FAM110B: variants seen among roughly 807,000 people sequenced by gnomAD.
The protein encoded by FAM110B is family with sequence similarity 110 member B.
In FAM110B, 6 loss-of-function variants were observed where a neutral mutation model predicts 20.4. That is an observed-to-expected ratio of 0.29 (90% CI 0.16 to 0.58). The LOEUF (loss-of-function observed/expected upper bound fraction) is 0.58, where lower values mean the gene tolerates loss of function less well. Ranked by LOEUF, FAM110B falls within the 20% of genes least tolerant of loss-of-function variation. The probability of loss-of-function intolerance (pLI) is 0.90; values close to 1 mark genes in which losing one functional copy is unlikely to be tolerated. For missense variants in FAM110B, 434 were observed against 498.2 expected, an observed-to-expected ratio of 0.87 and a Z score of 1.23; for synonymous variants, 226 against 214.1, an observed-to-expected ratio of 1.06 and a Z score of -0.49.
At chr8:58,002,259 C>A (rs984170791) in intron 1 of FAM110B, among the ~76,000 whole-genome samples, 1 of 152,150 alleles carries the variant, frequency 6.6e-6, no homozygotes, top group Non-Finnish European at 1.5e-5. Context: ...ATCAAGTAGA[C>A]ACATAAAATT....
intron 1 of FAM110B, among the ~76,000 whole-genome samples, chr8:58,013,103 C>G (rs1398040115): frequency 6.6e-6 from 1 of 152,174 alleles, no homozygotes; most frequent in Non-Finnish European, 1.5e-5. Flanking sequence ...TGGGTTTTCT[C>G]TAGGATCTCC....
chr8:58,002,815 C>G (rs1804326058), intron 1 of FAM110B, among the ~76,000 whole-genome samples: 1 of 152,200 alleles, frequency 6.6e-6, no homozygotes, highest in Non-Finnish European at 1.5e-5. Context: ...GCAAGTCATA[C>G]TCTTTCTGCT....
intron 2 of FAM110B, among the ~76,000 whole-genome samples, chr8:58,064,496 A>G (rs1585855039): frequency 6.6e-6 from 1 of 152,182 alleles, no homozygotes; most frequent in Non-Finnish European, 1.5e-5. Context: ...AATTCTTAAC[A>G]GTATAACAGT....
intron 1 of FAM110B, among the ~76,000 whole-genome samples, chr8:57,998,557 G>A (rs535422431): frequency 8.2e-4 from 124 of 151,934 alleles, no homozygotes; most frequent in African/African-American, 2.8e-3. Context: ...TGATTTTTTT[G>A]TACTGAAAAC....
At chr8:58,040,877 AGTGATAAAT>A (rs1376326279) in intron 2 of FAM110B, among the ~76,000 whole-genome samples, 1 of 148,674 alleles carries the variant, frequency 6.7e-6, no homozygotes, top group Non-Finnish European at 1.5e-5. Context: ...AATAAATGGT[AGTGATAAAT>A]GTGATAAATG....
chr8:58,142,492 T>G (rs10108168), intron 3 of FAM110B, among the ~76,000 whole-genome samples: 2,434 of 152,200 alleles, frequency 0.016, 57 homozygotes, highest in African/African-American at 0.055. Context: ...TGGCTCTATG[T>G]GCCACCTGTT....
chr8:58,148,342 G>A lies in FAM110B; in HGVS notation c.*999G>A, dbSNP rs1174894054. 2 of 166,964 alleles carry A rather than the reference G, an allele frequency of 1.2e-5. No homozygotes were observed. The highest frequency in any genetic ancestry group is 2.9e-5 in the Non-Finnish European group (2 of 68,094). 10.3% of individuals were successfully genotyped at this position (166,964 alleles called of 1,614,324 possible). On this transcript the variant is annotated 3_prime_UTR_variant, in exon 4 of 4. Coordinates refer to ENST00000519262, the MANE Select transcript of FAM110B (RefSeq NM_001377989.1). Reference sequence around the variant, plus strand: ...TATCAGTAGAGCCTTCCATTCAAAAGTGAACACACTTGGTAGCTGAACCAT... The same window carrying A: ...TATCAGTAGAGCCTTCCATTCAAAAATGAACACACTTGGTAGCTGAACCAT...
At chr8:58,143,892 G>A (rs533398824) in intron 3 of FAM110B, among the ~76,000 whole-genome samples, 11 of 152,344 alleles carry the variant, frequency 7.2e-5, no homozygotes, top group East Asian at 1.9e-4. Flanking sequence ...TTCAGAGAGC[G>A]TTGGCCTAAG....
intron 2 of FAM110B, among the ~76,000 whole-genome samples, chr8:58,041,559 C>T (rs1198502500): frequency 6.6e-6 from 1 of 152,170 alleles, no homozygotes; most frequent in Non-Finnish European, 1.5e-5. Flanking sequence ...AGCTACTGCC[C>T]ATGTGGAGTG....
At chr8:58,133,426 G>C (rs1485514615) in intron 3 of FAM110B, among the ~76,000 whole-genome samples, 2 of 152,182 alleles carry the variant, frequency 1.3e-5, no homozygotes, top group African/African-American at 2.4e-5. Flanking sequence ...GCAGGAGCCA[G>C]GCAGCTGCCC....
At chr8:58,081,043 GC>G (rs1468055310) in intron 3 of FAM110B, among the ~76,000 whole-genome samples, 1 of 152,138 alleles carries the variant, frequency 6.6e-6, no homozygotes, top group Non-Finnish European at 1.5e-5. Flanking sequence ...TACTATGCCT[GC>G]CTGTTCAGGT....
chr8:58,137,685 G>T (rs1001642852), intron 3 of FAM110B, among the ~76,000 whole-genome samples: 3 of 152,182 alleles, frequency 2.0e-5, no homozygotes, highest in Admixed American at 6.5e-5. Context: ...GGTTATCAAT[G>T]TTCCATAAAT....
At chr8:58,063,648 AT>A (rs1484724106) in intron 2 of FAM110B, among the ~76,000 whole-genome samples, 1 of 152,202 alleles carries the variant, frequency 6.6e-6, no homozygotes, top group Non-Finnish European at 1.5e-5. Context: ...ATTTGGGAGC[AT>A]TTTGGAACCT....
chr8:58,047,914 G>T lies in FAM110B; in HGVS notation c.-414+16211G>T, dbSNP rs866652161. Among the ~76,000 whole-genome samples the T allele has an allele frequency of 9.2e-5, 14 of 152,178 alleles. 1 individual carries two copies. The Middle Eastern group carries it at 0.017, about 185-fold the overall frequency. The stretch of plus-strand genomic sequence containing the variant: ...AAAATTTTTTTTAATGTCAAAGTAG[G>T]ATTTAATTTAAACTTTAGCGTCTTC... On this transcript the variant is annotated intron_variant, in intron 2 of 3. Coordinates refer to ENST00000519262, the MANE Select transcript of FAM110B (RefSeq NM_001377989.1).
chr8:58,012,769 T>G (rs1164886133), intron 1 of FAM110B, among the ~76,000 whole-genome samples: 5 of 152,192 alleles, frequency 3.3e-5, no homozygotes, highest in Non-Finnish European at 7.3e-5. Flanking sequence ...CACACTTTAG[T>G]AACAGGGACA....
intron 1 of FAM110B, among the ~76,000 whole-genome samples, chr8:58,006,604 A>ATT (rs773603784): frequency 1.4e-5 from 2 of 140,184 alleles, no homozygotes. Context: ...CCCTTAATTG[A>ATT]TTTTTTTTTT....
chr8:58,078,284 A>G (rs1307655932), intron 3 of FAM110B, among the ~76,000 whole-genome samples: 1 of 152,186 alleles, frequency 6.6e-6, no homozygotes, highest in Non-Finnish European at 1.5e-5. Flanking sequence ...ATGATATTGT[A>G]ATGTTCTTTT....
chr8:58,109,957 G>A (rs16923044), intron 3 of FAM110B, among the ~76,000 whole-genome samples: 9,320 of 152,136 alleles, frequency 0.061, 526 homozygotes, highest in African/African-American at 0.14. Context: ...ATGAAAATTC[G>A]GAACATCATA....
intron 3 of FAM110B, among the ~76,000 whole-genome samples, chr8:58,087,769 C>T (rs139689634): frequency 3.2e-3 from 482 of 152,302 alleles, no homozygotes; most frequent in Admixed American, 5.3e-3. Flanking sequence ...CAATGTTCCA[C>T]ATTGTCTTTA....
Sources: gnomAD v4.1 joint callset for allele counts (sites outside exome capture counted in the v4.1 genomes callset) on GRCh38, gnomAD v4.1.1 for gene constraint, MANE v1.5 for transcripts, NCBI Gene and HGNC (gene_info 2026-07-23, HGNC 2026-07-21) for gene names.